SRA1: variants seen among roughly 807,000 people sequenced by gnomAD.
SRA1 encodes lncRNA SRA.
SRA1 carries 25 observed loss-of-function variants against 24.3 expected under a neutral mutation model. That is an observed-to-expected ratio of 1.03 (90% confidence interval 0.75 to 1.43). The LOEUF (loss-of-function observed/expected upper bound fraction) is 1.43, where lower values mean the gene tolerates loss of function less well. SRA1 is among the 40% of genes most tolerant of loss of function. The pLI is 0.00. For synonymous variants in SRA1, 104 were observed against 109.5 expected (o/e 0.95, Z 0.31); for missense variants, 303 against 286.6 (o/e 1.06, Z -0.41).
At chr5:140,551,266 G>GT in intron 3 of SRA1, 97 bp from the exon 4 acceptor site, 3 of 876,142 alleles carry the variant, frequency 3.4e-6, no homozygotes, top group Non-Finnish European at 5.4e-6. Flanking sequence ...TGCTTTCTCT[G>GT]GCCCACACTT....
chr5:140,557,681 T>C, upstream of SRA1: 1 of 598,390 alleles, frequency 1.7e-6, no homozygotes, highest in Non-Finnish European at 2.9e-6. Context: ...CAAAGGAGGT[T>C]GCTGTCCAGG....
chr5:140,551,234 A>ACAG (rs1360920385), intron 3 of SRA1, 65 bp from the exon 4 acceptor site: 2 of 1,285,138 alleles, frequency 1.6e-6, no homozygotes, highest in African/African-American at 2.9e-5. Context: ...AGAGGGGAAG[A>ACAG]CAGCACCACA....
rs141830320 is a variant in SRA1, at chr5:140,557,259, G to A, written c.39C>T (p.Arg13=). Residue 13 remains arginine, a synonymous_variant, in exon 2 of 5, where the codon CGC becomes CGT. Coordinates refer to ENST00000336283, the MANE Select transcript of SRA1 (RefSeq NM_001035235.4). Reference sequence around the variant, plus strand: ...AGAACTGCGGCGGGTCGTTCCAGCCGCGTTCCTTGTTGCCTGCGGAGGCGA... The same window carrying A: ...AGAACTGCGGCGGGTCGTTCCAGCCACGTTCCTTGTTGCCTGCGGAGGCGA... ...ELYVKPGNKE[R]GWNDPPQFSY... 21 of 1,611,892 alleles carry A rather than the reference G, an allele frequency of 1.3e-5. No individual in the cohort carries two copies. The African/African-American group carries it at 2.8e-4, about 22-fold the overall frequency.
intron 2 of SRA1, among the ~76,000 whole-genome samples, chr5:140,554,641 G>A (rs1405314143): frequency 6.6e-6 from 1 of 152,054 alleles, no homozygotes; most frequent in African/African-American, 2.4e-5. Context: ...GAATCATCCC[G>A]TTAGTGTACA....
chr5:140,550,685 C>T lies in SRA1; in HGVS notation c.*15G>A. 1 of 1,613,576 alleles carries T rather than the reference C, an allele frequency of 6.2e-7. No homozygotes were observed. On this transcript the variant is annotated 3_prime_UTR_variant, in exon 5 of 5. Transcript: ENST00000336283. The stretch of plus-strand genomic sequence containing the variant: ...GCATAGGAGATGGTGTCCGGTGAGT[C>T]TGGGGAACCGAGGATTATGAAGCCT...
rs545437772 is a variant in SRA1 at position 140,557,438 on chromosome 5, G to T, written c.15C>A (p.Tyr5Ter). The T allele has an allele frequency of 6.4e-7, 1 of 1,565,628 alleles. No individual in the cohort carries two copies. Among genetic ancestry groups the T allele is most frequent in the Non-Finnish European group, 8.6e-7 (1 of 1,156,804 alleles). Residue 5 changes from tyrosine to a stop codon, truncating the protein, a stop_gained, in exon 1 of 5, where the codon TAC (tyrosine) becomes TAA (stop). Transcript: ENST00000336283. LOFTEE classifies it high-confidence loss of function. ...GCCGGCTGCGCTCACCCGGCTTCAC[G>T]TACAGCTCCGCCATCTCCACTTCCG... MAEL[Y>*]VKPGNKERGW...
chr5:140,553,342 A>G (rs1037055417), intron 2 of SRA1, among the ~76,000 whole-genome samples: 1 of 152,030 alleles, frequency 6.6e-6, no homozygotes, highest in Non-Finnish European at 1.5e-5. Flanking sequence ...CTAGACTAGT[A>G]TGTAGCAAAA....
chr5:140,557,464 C>T lies in SRA1; in HGVS notation c.-12G>A, dbSNP rs754773391. The stretch of plus-strand genomic sequence containing the variant: ...TACAGCTCCGCCATCTCCACTTCCG[C>T]TTGGCCAGCGGGGCAGCGCGTCATT... On this transcript the variant is annotated 5_prime_UTR_variant, in exon 1 of 5. Coordinates refer to ENST00000336283, the MANE Select transcript of SRA1 (RefSeq NM_001035235.4). The T allele has an allele frequency of 1.3e-6, 2 of 1,555,660 alleles. No individual in the cohort carries two copies. The highest frequency in any genetic ancestry group is 1.9e-5 in the Admixed American group (1 of 51,748).
intron 3 of SRA1, chr5:140,551,729 T>C: frequency 2.6e-6 from 1 of 386,884 alleles, no homozygotes. Context: ...AATCAGGTTG[T>C]TCACTAATAG....
At chr5:140,552,960 T>C (rs1030244851) in intron 2 of SRA1, among the ~76,000 whole-genome samples, 4 of 152,202 alleles carry the variant, frequency 2.6e-5, no homozygotes, top group Admixed American at 2.0e-4. Context: ...TTATGTTACA[T>C]GCTACCAAGA....
At chr5:140,557,503 C>T (rs935523102), upstream of SRA1, 1 of 1,537,742 alleles carries the variant, frequency 6.5e-7, no homozygotes, top group Non-Finnish European at 8.7e-7. Flanking sequence ...GGGGCGGCCC[C>T]TCACGCGGGC....
intron 2 of SRA1, among the ~76,000 whole-genome samples, chr5:140,555,215 A>G (rs1256900951): frequency 3.3e-5 from 5 of 149,654 alleles, no homozygotes; most frequent in African/African-American, 1.2e-4. Context: ...ATTCATTACT[A>G]TTGATTCATG....
intron 2 of SRA1, among the ~76,000 whole-genome samples, chr5:140,553,018 C>CT (rs1461070069): frequency 6.6e-6 from 1 of 152,168 alleles, no homozygotes; most frequent in Non-Finnish European, 1.5e-5. Flanking sequence ...CCTATCTAGA[C>CT]TAAGTGTTCA....
rs2127117452 is a variant in SRA1, at chr5:140,552,156, A to AG, written c.179dup (p.Pro61SerfsTer11). The AG allele has an allele frequency of 6.2e-7, 1 of 1,605,784 alleles. No individual in the cohort carries two copies. Among genetic ancestry groups the AG allele is most frequent in the East Asian group, 2.3e-5 (1 of 44,438 alleles). On this transcript the variant is annotated frameshift_variant, in exon 3 of 5. Coordinates refer to ENST00000336283, the MANE Select transcript of SRA1 (RefSeq NM_001035235.4). LOFTEE classifies it high-confidence loss of function. ...AAGGAGGTGGAGGCCCCATTGGGGG[A>AG]GGCCCAGGAGAAGTCTCTGATGCGG...
At chr5:140,551,217 G>C in intron 3 of SRA1, 48 bp from the exon 4 acceptor site, 1 of 1,427,566 alleles carries the variant, frequency 7.0e-7, no homozygotes, top group Non-Finnish European at 9.9e-7. Flanking sequence ...AGCCCAATGA[G>C]GGGAGGAGAG....
intron 2 of SRA1, 28 bp downstream of exon 2, chr5:140,557,119 T>G (rs1754733140): frequency 3.6e-5 from 46 of 1,267,864 alleles, no homozygotes; most frequent in Middle Eastern, 3.8e-4. Flanking sequence ...ATTCTCCGTC[T>G]GTCTCCGAGC....
At chr5:140,555,679 T>C (rs1179883864) in intron 2 of SRA1, among the ~76,000 whole-genome samples, 1 of 152,156 alleles carries the variant, frequency 6.6e-6, no homozygotes, top group Non-Finnish European at 1.5e-5. Flanking sequence ...GACTTATTTC[T>C]CTAATTCTGG....
At chr5:140,554,720 T>C (rs1042162240) in intron 2 of SRA1, among the ~76,000 whole-genome samples, 1 of 152,232 alleles carries the variant, frequency 6.6e-6, no homozygotes, top group Non-Finnish European at 1.5e-5. Flanking sequence ...TACTGTCCCA[T>C]TTCTTATCTC....
At position 140,551,148 on chromosome 5, in the gene SRA1, T is replaced by C. The variant is rs762017408; in HGVS notation, c.376A>G (p.Ser126Gly). 21 of 1,614,074 alleles carry C rather than the reference T, an allele frequency of 1.3e-5. No homozygotes were observed. The highest frequency in any genetic ancestry group is 4.0e-5 in the African/African-American group (3 of 74,940). ...TCCTGCAGCAGTGCCAGGCGTCGGCTGATGTCATCACATACCTGCTTCTAA... is the reference window on the plus strand; with the variant it reads ...TCCTGCAGCAGTGCCAGGCGTCGGCCGATGTCATCACATACCTGCTTCTAA... ...HTRKQVCDDISRRLALLQEQW... is the reference protein window; with the variant it reads ...HTRKQVCDDIGRRLALLQEQW... The change falls in exon 4 of 5, where the codon AGC (serine) becomes GGC (glycine). Residue 126 changes from serine (S) to glycine (G), a missense_variant. By Grantham distance (56) the Ser-to-Gly change is moderately conservative (BLOSUM62 0). Transcript: ENST00000336283.
Sources: gnomAD v4.1 joint callset for allele counts (sites outside exome capture counted in the v4.1 genomes callset) on GRCh38, gnomAD v4.1.1 for gene constraint, MANE v1.5 for transcripts, NCBI Gene and HGNC (gene_info 2026-07-23, HGNC 2026-07-21) for gene names.